The following ESYT2 variants were observed in gnomAD, a reference collection of about 807,000 sequenced individuals.
ESYT2 encodes extended synaptotagmin 2, also known as extended synaptotagmin-2.
In ESYT2, 54 loss-of-function variants were observed where a neutral mutation model predicts 107.2. The observed-to-expected ratio is 0.50, with a 90% CI of 0.40 to 0.63. The LOEUF is 0.63. Ranked by LOEUF, ESYT2 falls within the 30% of genes least tolerant of loss-of-function variation. ESYT2 has a pLI of 0.00. For synonymous variants in ESYT2, 491 were observed against 434.1 expected (o/e 1.13, Z -1.63); for missense variants, 1,020 against 1,094.5 (o/e 0.93, Z 0.96).
At chr7:158,744,537 T>G (rs1837334200) in intron 16 of ESYT2, among the ~76,000 whole-genome samples, 1 of 152,208 alleles carries the variant, frequency 6.6e-6, no homozygotes, top group African/African-American at 2.4e-5. Flanking sequence ...TTTAAAAATT[T>G]TTTAAAAAAC....
At chr7:158,747,764 T>G (rs1040599201) in intron 16 of ESYT2, among the ~76,000 whole-genome samples, 8 of 152,242 alleles carry the variant, frequency 5.3e-5, no homozygotes, top group Non-Finnish European at 1.0e-4. Context: ...CAGATTTATA[T>G]GTAATAGGTC....
intron 18 of ESYT2, among the ~76,000 whole-genome samples, chr7:158,740,473 C>G (rs1837152052): frequency 6.6e-6 from 1 of 152,158 alleles, no homozygotes; most frequent in Admixed American, 6.5e-5. Context: ...CCTGTCCTAC[C>G]CGAATTTGCA....
At chr7:158,759,016 G>C (rs1837868020) in intron 13 of ESYT2, among the ~76,000 whole-genome samples, 1 of 152,176 alleles carries the variant, frequency 6.6e-6, no homozygotes, top group African/African-American at 2.4e-5. Flanking sequence ...CAGGCACCCG[G>C]AGGCCAGCTC....
intron 1 of ESYT2, among the ~76,000 whole-genome samples, chr7:158,806,102 T>G (rs1839820932): frequency 6.6e-6 from 1 of 151,974 alleles, no homozygotes; most frequent in South Asian, 2.1e-4. Flanking sequence ...GCACACCGCG[T>G]GGGAGGCGCC....
intron 16 of ESYT2, among the ~76,000 whole-genome samples, chr7:158,744,811 C>T (rs6976143): frequency 0.011 from 1,698 of 152,292 alleles, 28 homozygotes; most frequent in African/African-American, 0.039. Flanking sequence ...GAAATTAACA[C>T]ATAACTACTC....
intron 1 of ESYT2, among the ~76,000 whole-genome samples, chr7:158,812,876 C>G (rs529826733): frequency 2.0e-5 from 3 of 152,244 alleles, no homozygotes; most frequent in African/African-American, 4.8e-5. Flanking sequence ...ATATCCAGAA[C>G]AGGTAAACCC....
intron 6 of ESYT2, among the ~76,000 whole-genome samples, chr7:158,784,684 A>T (rs1351120291): frequency 1.3e-5 from 2 of 152,206 alleles, no homozygotes; most frequent in African/African-American, 4.8e-5. Context: ...TGCTATTTTT[A>T]TGTTTTAAAT....
intron 13 of ESYT2, among the ~76,000 whole-genome samples, chr7:158,758,140 G>C (rs1384018534): frequency 6.6e-6 from 1 of 152,120 alleles, no homozygotes; most frequent in Non-Finnish European, 1.5e-5. Flanking sequence ...GGTCAAGAAA[G>C]CTTCATTGAA....
intron 6 of ESYT2, among the ~76,000 whole-genome samples, chr7:158,785,780 C>G (rs923045686): frequency 4.6e-5 from 7 of 152,196 alleles, no homozygotes; most frequent in African/African-American, 1.7e-4. Context: ...CACCTACACT[C>G]CAACTTCGTC....
chr7:158,767,636 A>C lies in ESYT2; in HGVS notation c.924+18T>G. 6.2e-7 allele frequency: 1 copy of C among 1,605,106 alleles called. No individual in the cohort carries two copies. Among genetic ancestry groups the C allele is most frequent in the East Asian group, 2.2e-5 (1 of 44,452 alleles). The stretch of plus-strand genomic sequence containing the variant: ...CCAAGATGTTTTTAAATGTGAATGG[A>C]TGCCGGGACACGCTTACCTTTGGTA... On this transcript the variant is annotated intron_variant, in intron 8 of 22. Transcript: ENST00000275418.
intron 17 of ESYT2, among the ~76,000 whole-genome samples, chr7:158,742,597 T>C (rs1837254269): frequency 6.6e-6 from 1 of 152,130 alleles, no homozygotes; most frequent in Non-Finnish European, 1.5e-5. Flanking sequence ...CCCAACAACC[T>C]GACATGAGTG....
chr7:158,825,389 A>C (rs988367401), intron 1 of ESYT2, among the ~76,000 whole-genome samples: 1 of 152,232 alleles, frequency 6.6e-6, no homozygotes, highest in Non-Finnish European at 1.5e-5. Flanking sequence ...CAGGGTAGAC[A>C]CTTAAACAAC....
intron 4 of ESYT2, among the ~76,000 whole-genome samples, chr7:158,789,452 G>A (rs984452270): frequency 6.6e-6 from 1 of 152,074 alleles, no homozygotes; most frequent in African/African-American, 2.4e-5. Flanking sequence ...CGCTATCTGG[G>A]TTCAGGTGAT....
At chr7:158,741,361 A>C (rs1837194915) in intron 18 of ESYT2, among the ~76,000 whole-genome samples, 162 bp downstream of exon 18, 1 of 152,132 alleles carries the variant, frequency 6.6e-6, no homozygotes, top group Non-Finnish European at 1.5e-5. Context: ...CAGTGAGCAA[A>C]ACGGCAACAC....
chr7:158,757,384 G>A (rs1447295015), intron 13 of ESYT2, among the ~76,000 whole-genome samples: 3 of 152,142 alleles, frequency 2.0e-5, no homozygotes, highest in African/African-American at 4.8e-5. Flanking sequence ...TAGTCCCGAC[G>A]CTCGCCTCTC....
At chr7:158,742,376 G>A (rs972617030) in intron 17 of ESYT2, among the ~76,000 whole-genome samples, 1 of 152,222 alleles carries the variant, frequency 6.6e-6, no homozygotes, top group African/African-American at 2.4e-5. Flanking sequence ...TCTCAGGCAA[G>A]GAGCCCCCCA....
chr7:158,748,346 G>C lies in ESYT2; in HGVS notation c.1558-66C>G, dbSNP rs577543805. On this transcript the variant is annotated intron_variant, in intron 15 of 22. Coordinates refer to ENST00000275418, the MANE Select transcript of ESYT2 (RefSeq NM_001367773.1). Reference sequence around the variant, plus strand: ...TGGAAAAGGGCTACTCATTTTATGTGTTTAGAAGCTTAGAATGAAAAATAA... The same window carrying C: ...TGGAAAAGGGCTACTCATTTTATGTCTTTAGAAGCTTAGAATGAAAAATAA... The C allele has an allele frequency of 5.8e-6, 7 of 1,203,050 alleles. No individual in the cohort carries two copies. The African/African-American group carries it at 7.7e-5, about 13-fold the overall frequency. 74.5% of individuals were successfully genotyped at this position (1,203,050 alleles called of 1,614,324 possible).
intron 1 of ESYT2, among the ~76,000 whole-genome samples, chr7:158,828,813 T>A: frequency 7.5e-6 from 1 of 132,460 alleles, no homozygotes; most frequent in South Asian, 2.5e-4. Flanking sequence ...AGGCTGGGAG[T>A]CGGGGCCGGG....
chr7:158,818,458 C>A (rs916209118), intron 1 of ESYT2, among the ~76,000 whole-genome samples: 1 of 152,144 alleles, frequency 6.6e-6, no homozygotes. Flanking sequence ...TTAGCAACAG[C>A]GTAAACAAAC....
Sources: allele counts gnomAD v4.1 joint callset (sites outside exome capture counted in the v4.1 genomes callset), GRCh38; gene constraint gnomAD v4.1.1; transcripts MANE v1.5; gene names NCBI Gene and HGNC (gene_info 2026-07-23, HGNC 2026-07-21).